Variants in NRP1 observed in about 807,000 individuals in gnomAD.
NRP1 encodes neuropilin-1.
Under a neutral mutation model 106.7 loss-of-function variants are expected in NRP1, and 35 were observed. The observed-to-expected ratio is 0.33, with a 90% CI of 0.25 to 0.43. The LOEUF (loss-of-function observed/expected upper bound fraction) is 0.43, where lower values mean the gene tolerates loss of function less well. NRP1 is among the 20% of genes least tolerant of loss of function. The probability of loss-of-function intolerance (pLI) is 1.00; values close to 1 mark genes in which losing one functional copy is unlikely to be tolerated. For missense variants in NRP1, 1,024 were observed against 1,170.4 expected (o/e 0.87, Z 1.83); for synonymous variants, 437 against 417.9 (o/e 1.05, Z -0.56).
chr10:33,190,714 C>A (rs1279319401), intron 13 of NRP1, among the ~76,000 whole-genome samples: 1 of 152,096 alleles, frequency 6.6e-6, no homozygotes, highest in Non-Finnish European at 1.5e-5. Flanking sequence ...GCAAGCAGTG[C>A]TCTGTAAGTA....
intron 2 of NRP1, among the ~76,000 whole-genome samples, chr10:33,283,135 T>G (rs1280921427): frequency 1.3e-5 from 2 of 152,198 alleles, no homozygotes; most frequent in Non-Finnish European, 2.9e-5. Flanking sequence ...TACAAACTGC[T>G]AAGATAACCG....
At chr10:33,207,544 G>A in intron 10 of NRP1, 28 bp downstream of exon 10, 1 of 1,612,482 alleles carries the variant, frequency 6.2e-7, no homozygotes, top group Non-Finnish European at 8.5e-7. Context: ...AAAAACGCAT[G>A]AGAAGTAACT....
chr10:33,223,669 CTT>C (rs1057272262), intron 7 of NRP1, among the ~76,000 whole-genome samples: 2 of 152,184 alleles, frequency 1.3e-5, no homozygotes, highest in Admixed American at 1.3e-4. Flanking sequence ...TGATCTCTCT[CTT>C]GAGACGATCT....
chr10:33,321,910 A>G (rs1177303949), intron 2 of NRP1, among the ~76,000 whole-genome samples: 2 of 152,340 alleles, frequency 1.3e-5, no homozygotes, highest in East Asian at 3.9e-4. Context: ...GGCTGCTTGT[A>G]CAAAGTATCC....
chr10:33,188,927 A>ATATATC (rs1487997301), intron 13 of NRP1, among the ~76,000 whole-genome samples: 1 of 142,242 alleles, frequency 7.0e-6, no homozygotes, highest in Non-Finnish European at 1.5e-5. Flanking sequence ...ATATATATAT[A>ATATATC]TATATATATA....
chr10:33,192,708 A>G (rs1263880587), intron 12 of NRP1, among the ~76,000 whole-genome samples: 1 of 152,218 alleles, frequency 6.6e-6, no homozygotes, highest in Non-Finnish European at 1.5e-5. Flanking sequence ...GCTATTTTCT[A>G]AAGCACGTGT....
At chr10:33,236,764 A>G (rs899310115) in intron 6 of NRP1, among the ~76,000 whole-genome samples, 2 of 152,216 alleles carry the variant, frequency 1.3e-5, no homozygotes, top group African/African-American at 2.4e-5. Flanking sequence ...ATCTCTGCAC[A>G]TAATTCAGTA....
chr10:33,183,110 C>T (rs1042334094), intron 15 of NRP1, among the ~76,000 whole-genome samples: 1 of 151,988 alleles, frequency 6.6e-6, no homozygotes, highest in Non-Finnish European at 1.5e-5. Context: ...GCAGGAGAAC[C>T]ACATTAGGCT....
intron 6 of NRP1, among the ~76,000 whole-genome samples, chr10:33,232,642 T>C (rs1199177854): frequency 4.3e-5 from 6 of 138,166 alleles, no homozygotes; most frequent in African/African-American, 1.4e-4. Context: ...CTTTTCCTTT[T>C]TTTTTTTTTT....
chr10:33,251,437 C>T (rs112404614), intron 6 of NRP1, among the ~76,000 whole-genome samples: 16 of 152,148 alleles, frequency 1.1e-4, no homozygotes, highest in Admixed American at 6.5e-4. Context: ...TTTCAGAGGA[C>T]GCTGTCCCCC....
At position 33,199,367 on chromosome 10, in the gene NRP1, C is replaced by CTATATATATATATATATATA. The variant is rs1413431395; in HGVS notation, c.1865-1678_1865-1659dup. The stretch of plus-strand genomic sequence containing the variant: ...GTGCGCCACCATGCCTGGCTGTTTT[C>CTATATATATATATATATATA]TATATATATATATATATATATATTT... On this transcript the variant is annotated intron_variant, in intron 11 of 16. Coordinates refer to ENST00000374867, the MANE Select transcript of NRP1 (RefSeq NM_003873.7). Among the ~76,000 whole-genome samples the CTATATATATATATATATATA allele has an allele frequency of 3.2e-3, 172 of 54,256 alleles. 12 individuals carry two copies. Among genetic ancestry groups the CTATATATATATATATATATA allele is most frequent in the East Asian group, 9.5e-3 (9 of 950 alleles). The allele number at this position is 54,256 out of a possible 152,430, so 35.6% of individuals were successfully genotyped here. A position where few individuals can be genotyped will look rare whatever the true frequency, so the allele number is the denominator to read the frequency against.
At chr10:33,249,250 A>G (rs911983320) in intron 6 of NRP1, among the ~76,000 whole-genome samples, 2 of 151,990 alleles carry the variant, frequency 1.3e-5, no homozygotes, top group African/African-American at 2.4e-5. Flanking sequence ...TAATTAACGA[A>G]TTAAATTCTG....
Position 33,182,734 on chromosome 10 carries a change from C to A in NRP1, c.2446G>T (p.Asp816Tyr). 1 of 1,612,710 alleles carries A rather than the reference C, an allele frequency of 6.2e-7. No homozygotes were observed. The highest frequency in any genetic ancestry group is 1.1e-5 in the South Asian group (1 of 90,770). ...QEDCAKPADL[D>Y]KKNPEIKIDE... The stretch of plus-strand genomic sequence containing the variant: ...ATTTTAATTTCTGGGTTCTTTTTAT[C>A]CAGGTCTGCTGGTTCTGACAAGTCA... The change falls in exon 16 of 17, where the codon GAT becomes TAT. Residue 816 changes from aspartate to tyrosine, a missense_variant. Around this residue, in one of 5 missense-constraint regions of NRP1, gnomAD observed 164 missense variants for 161.4 expected, o/e 1.02. Transcript: ENST00000374867.
At chr10:33,287,948 G>A (rs1157635321) in intron 2 of NRP1, among the ~76,000 whole-genome samples, 1 of 152,176 alleles carries the variant, frequency 6.6e-6, no homozygotes, top group East Asian at 1.9e-4. Context: ...CGTCAGAGCT[G>A]TCTCAAGATA....
chr10:33,200,651 C>T (rs1364738980), intron 11 of NRP1, among the ~76,000 whole-genome samples: 1 of 152,142 alleles, frequency 6.6e-6, no homozygotes, highest in Non-Finnish European at 1.5e-5. Context: ...GTTTGTAGTC[C>T]TGACAGCAAA....
intron 2 of NRP1, among the ~76,000 whole-genome samples, chr10:33,308,004 G>A (rs545225783): frequency 1.3e-5 from 2 of 152,216 alleles, no homozygotes; most frequent in Middle Eastern, 3.4e-3. Context: ...AGAAAATGTG[G>A]TGCATGTACA....
intron 11 of NRP1, 50 bp from the exon 12 acceptor site, chr10:33,197,759 A>G: frequency 4.5e-6 from 5 of 1,101,714 alleles, no homozygotes; most frequent in Non-Finnish European, 6.8e-6. Flanking sequence ...AGTAGCGAAT[A>G]TGCAGGAGAA....
At chr10:33,233,020 TACC>T (rs1249384398) in intron 6 of NRP1, among the ~76,000 whole-genome samples, 1 of 152,144 alleles carries the variant, frequency 6.6e-6, no homozygotes, top group Non-Finnish European at 1.5e-5. Context: ...CCCAACACAA[TACC>T]CTGTTTCCAA....
intron 7 of NRP1, 50 bp downstream of exon 7, chr10:33,226,084 T>C (rs1350136647): frequency 1.3e-6 from 2 of 1,582,168 alleles, no homozygotes; most frequent in African/African-American, 1.3e-5. Flanking sequence ...TAAAAATTGA[T>C]CATCCATTTA....
Sources: gnomAD v4.1 joint callset for allele counts (sites outside exome capture counted in the v4.1 genomes callset) on GRCh38, gnomAD v4.1.1 for gene constraint, gnomAD v4.1.1 regional missense constraint, MANE v1.5 for transcripts, NCBI Gene and HGNC (gene_info 2026-07-23, HGNC 2026-07-21) for gene names.